The following SSR2 variants were observed in gnomAD, a reference collection of about 807,000 sequenced individuals.
The protein encoded by SSR2 is translocon-associated protein subunit beta.
A neutral mutation model predicts 22.6 loss-of-function variants in SSR2; 16 were observed. The observed-to-expected ratio is 0.71, with a 90% CI of 0.48 to 1.08. The LOEUF is 1.08. Among genes scored for constraint, SSR2 ranks in the 50% least tolerant of loss-of-function variants. The probability of loss-of-function intolerance (pLI) is 0.00; values close to 1 mark genes in which losing one functional copy is unlikely to be tolerated. For missense variants in SSR2, 171 were observed against 221.6 expected, an observed-to-expected ratio of 0.77 and a Z score of 1.45; for synonymous variants, 83 against 91.2, an observed-to-expected ratio of 0.91 and a Z score of 0.51.
intron 4 of SSR2, chr1:156,014,623 C>A (rs1654170786): frequency 1.0e-5 from 2 of 192,022 alleles, no homozygotes; most frequent in Non-Finnish European, 2.2e-5. Context: ...CTCACTGCAA[C>A]CTCTGCCTCC....
chr1:156,017,470 C>T (rs1182513911), intron 3 of SSR2, among the ~76,000 whole-genome samples: 1 of 152,126 alleles, frequency 6.6e-6, no homozygotes, highest in Non-Finnish European at 1.5e-5. Flanking sequence ...CTACCTCAGC[C>T]TCCCGAGTAG....
In SSR2 at chr1:156,020,912, G is replaced by C. The variant is rs770796900; in HGVS notation, c.-25C>G. 1 of 471,144 alleles carries C rather than the reference G, an allele frequency of 2.1e-6. No homozygotes were observed. The highest frequency in any genetic ancestry group is 4.4e-6 in the Non-Finnish European group (1 of 227,016). 29.2% of individuals were successfully genotyped at this position (471,144 alleles called of 1,614,324 possible). ...CCGTTGGCATCCCAAACGCCTTTCC[G>C]GAGCCACAAAGACAGGAAGAGAGCG... On this transcript the variant is annotated 5_prime_UTR_variant, in exon 1 of 6. Transcript: ENST00000295702.
At position 156,014,981 on chromosome 1, in the gene SSR2, G is replaced by A; in HGVS notation, c.343C>T (p.Gln115Ter). The A allele has an allele frequency of 6.2e-7, 1 of 1,613,902 alleles. No homozygotes were observed. The highest frequency in any genetic ancestry group is 8.5e-7 in the Non-Finnish European group (1 of 1,179,876). ...CTCACCACAACGGGCCCATCCTCCT[G>A]GGCCAGGTAAGTAATTGTTGCCGAG... is the stretch of plus-strand genomic sequence containing the variant. ...FTSATITYLAQEDGPVVIGST... is the reference protein window; with the variant it reads ...FTSATITYLA The change falls in exon 4 of 6, where the codon CAG becomes TAG. Residue 115 changes from glutamine to a stop codon, truncating the protein, a stop_gained. Transcript: ENST00000295702. LOFTEE classifies it high-confidence loss of function.
At chr1:156,014,819 G>A in intron 4 of SSR2, 142 bp downstream of exon 4, 1 of 678,652 alleles carries the variant, frequency 1.5e-6, no homozygotes, top group South Asian at 1.8e-5. Context: ...TAGATTACAG[G>A]TGTGAGCCAC....
At chr1:156,017,739 G>GAT (rs1553254402) in intron 3 of SSR2, among the ~76,000 whole-genome samples, 2 of 61,886 alleles carry the variant, frequency 3.2e-5, no homozygotes, top group Non-Finnish European at 5.4e-5. Context: ...TATGTTTCAG[G>GAT]TTTTTTTTTT....
At chr1:156,018,152 C>T in intron 3 of SSR2, 118 bp downstream of exon 3, 2 of 719,072 alleles carry the variant, frequency 2.8e-6, no homozygotes, top group South Asian at 1.6e-5. Flanking sequence ...CCATCTTATC[C>T]AGAGAGATGA....
chr1:156,017,743 T>TG (rs1683079362), intron 3 of SSR2, among the ~76,000 whole-genome samples: 3 of 107,246 alleles, frequency 2.8e-5, no homozygotes, highest in African/African-American at 1.1e-4. Context: ...TTTCAGGTTT[T>TG]TTTTTTTTTT....
chr1:156,016,634 C>A (rs1448472527), intron 3 of SSR2, among the ~76,000 whole-genome samples: 2 of 152,058 alleles, frequency 1.3e-5, no homozygotes, highest in African/African-American at 4.8e-5. Context: ...ACCACATTTA[C>A]CCTCACCAAT....
At chr1:156,019,306 T>C (rs569329053) in intron 2 of SSR2, 3 of 434,220 alleles carry the variant, frequency 6.9e-6, no homozygotes, top group Admixed American at 5.2e-5. Flanking sequence ...ACACAGTGAA[T>C]ACAGAGGAGA....
intron 4 of SSR2, chr1:156,014,722 A>C: frequency 3.0e-6 from 1 of 333,408 alleles, no homozygotes; most frequent in South Asian, 3.7e-5. Context: ...TTGTATTTGT[A>C]GTAGAGATGG....
intron 2 of SSR2, among the ~76,000 whole-genome samples, chr1:156,019,810 C>A (rs1339501554): frequency 6.6e-6 from 1 of 152,140 alleles, no homozygotes; most frequent in East Asian, 1.9e-4. Flanking sequence ...CAACCCGAAA[C>A]GTGAAAGATG....
chr1:156,015,827 C>T (rs1276114681), intron 3 of SSR2, among the ~76,000 whole-genome samples: 1 of 151,594 alleles, frequency 6.6e-6, no homozygotes, highest in Non-Finnish European at 1.5e-5. Context: ...AAGTAAACTT[C>T]CAAAGCAATA....
At chr1:156,019,892 A>C in intron 2 of SSR2, 121 bp downstream of exon 2, 1 of 1,092,116 alleles carries the variant, frequency 9.2e-7, no homozygotes, top group South Asian at 1.7e-5. Flanking sequence ...TTCACTCAAT[A>C]TATCTGATGC....
At chr1:156,018,525 T>C (rs1025793325) in intron 2 of SSR2, among the ~76,000 whole-genome samples, 157 bp from the exon 3 acceptor site, 1 of 151,896 alleles carries the variant, frequency 6.6e-6, no homozygotes, top group Non-Finnish European at 1.5e-5. Context: ...CTGGCCAACA[T>C]GGTGAAACCC....
At chr1:156,016,681 T>G (rs567779037) in intron 3 of SSR2, among the ~76,000 whole-genome samples, 1 of 152,338 alleles carries the variant, frequency 6.6e-6, no homozygotes, top group Non-Finnish European at 1.5e-5. Context: ...TTGATATGAT[T>G]TGGATCTGTG....
At chr1:156,016,370 A>G (rs571881575) in intron 3 of SSR2, among the ~76,000 whole-genome samples, 8 of 152,052 alleles carry the variant, frequency 5.3e-5, no homozygotes, top group African/African-American at 1.9e-4. Context: ...AGTAGCTGGA[A>G]CTACAGGCGC....
Position 156,015,069 on chromosome 1 carries a change from A to G in SSR2, c.255T>C (p.Pro85=), listed in dbSNP as rs1422089716. ...MLNVKWDRIA[P]ASNVSHTVVL... is the part of the protein sequence containing the mutation. ...CCACAGTGTGGGAGACATTGCTAGC[A>G]CTGGCTCAAGAGTTAAGGAACGGAA... is the stretch of plus-strand genomic sequence containing the variant. The change falls in exon 4 of 6, where the codon CCT becomes CCC. Residue 85 remains proline (P), a splice_region_variant and synonymous_variant. Transcript: ENST00000295702. The G allele has an allele frequency of 2.5e-6, 4 of 1,612,872 alleles. No homozygotes were observed. Among genetic ancestry groups the G allele is most frequent in the Non-Finnish European group, 3.4e-6 (4 of 1,179,142 alleles).
At chr1:156,015,535 A>AATATATATATAT (rs1553254277) in intron 3 of SSR2, among the ~76,000 whole-genome samples, 8 of 46,776 alleles carry the variant, frequency 1.7e-4, no homozygotes, top group East Asian at 6.7e-4. Flanking sequence ...AAAAAAAAAA[A>AATATATATATAT]ATATATATAT....
At chr1:156,016,100 G>A (rs897894032) in intron 3 of SSR2, among the ~76,000 whole-genome samples, 6 of 151,852 alleles carry the variant, frequency 4.0e-5, no homozygotes, top group African/African-American at 7.3e-5. Flanking sequence ...GCAGTGAGCC[G>A]AGATTGCACC....
Sources: allele counts gnomAD v4.1 joint callset (sites outside exome capture counted in the v4.1 genomes callset), GRCh38; gene constraint gnomAD v4.1.1; transcripts MANE v1.5; gene names NCBI Gene and HGNC (gene_info 2026-07-23, HGNC 2026-07-21).